Variants in DLGAP2 observed in about 807,000 individuals in gnomAD.
DLGAP2 encodes DLG associated protein 2.
DLGAP2 carries 26 observed loss-of-function variants against 100.3 expected under a neutral mutation model. That is an observed-to-expected ratio of 0.26 (90% CI 0.19 to 0.36). DLGAP2 has a LOEUF of 0.36. Among genes scored for constraint, DLGAP2 ranks in the 10% least tolerant of loss-of-function variants. DLGAP2 has a pLI of 1.00. For synonymous variants in DLGAP2, 886 were observed against 630.1 expected (o/e 1.41, Z -6.08); for missense variants, 1,858 against 1,453.2 (o/e 1.28, Z -4.53).
At chr8:1,087,551 CTCTT>C (rs1381846368) in intron 2 of DLGAP2, among the ~76,000 whole-genome samples, 1 of 103,924 alleles carries the variant, frequency 9.6e-6, no homozygotes, top group Non-Finnish European at 2.5e-5. Context: ...TTCTCTCTCT[CTCTT>C]TTTTTTTTTT....
intron 1 of DLGAP2, among the ~76,000 whole-genome samples, chr8:876,284 A>T (rs1272906769): frequency 6.6e-6 from 1 of 152,152 alleles, no homozygotes; most frequent in Non-Finnish European, 1.5e-5. Context: ...CAGCCTCAAG[A>T]ACTTTCTTTA....
chr8:920,342 C>G (rs927895356), intron 2 of DLGAP2, among the ~76,000 whole-genome samples: 1 of 152,236 alleles, frequency 6.6e-6, no homozygotes, highest in Non-Finnish European at 1.5e-5. Flanking sequence ...CCCCTGTTAT[C>G]AGGGAATAGC....
intron 2 of DLGAP2, among the ~76,000 whole-genome samples, chr8:1,000,109 C>A (rs894645015): frequency 2.4e-4 from 36 of 148,056 alleles, no homozygotes; most frequent in African/African-American, 6.8e-4. Flanking sequence ...TGGATTTTCT[C>A]TAGAGCAGAC....
chr8:1,105,139 A>T (rs1203550180), intron 2 of DLGAP2: 1 of 152,250 alleles, frequency 6.6e-6, no homozygotes, highest in Non-Finnish European at 1.5e-5. Context: ...ACAGGCTCAT[A>T]CTTTATCCTG....
chr8:1,091,218 C>T (rs1804169533), intron 2 of DLGAP2, among the ~76,000 whole-genome samples: 1 of 152,242 alleles, frequency 6.6e-6, no homozygotes, highest in Non-Finnish European at 1.5e-5. Flanking sequence ...GTACTGGAAG[C>T]ACCCGGTCAG....
intron 3 of DLGAP2, among the ~76,000 whole-genome samples, chr8:1,466,683 A>G (rs1798635174): frequency 6.6e-6 from 1 of 152,110 alleles, no homozygotes; most frequent in African/African-American, 2.4e-5. Flanking sequence ...GCTCAGTGGC[A>G]TTTCTCTGTT....
intron 13 of DLGAP2, among the ~76,000 whole-genome samples, chr8:1,696,079 A>T (rs539938198): frequency 1.1e-4 from 17 of 152,370 alleles, no homozygotes; most frequent in Non-Finnish European, 2.1e-4. Context: ...TTCACTGAGC[A>T]TGCTGAGTGT....
At chr8:874,452 C>A (rs1797653616) in intron 1 of DLGAP2, among the ~76,000 whole-genome samples, 1 of 152,068 alleles carries the variant, frequency 6.6e-6, no homozygotes, top group South Asian at 2.1e-4. Context: ...GGGATTTGTT[C>A]TTTGTCCCAT....
chr8:1,007,644 G>GT (rs1801159913), intron 2 of DLGAP2, among the ~76,000 whole-genome samples: 1 of 146,068 alleles, frequency 6.8e-6, no homozygotes, highest in Non-Finnish European at 1.5e-5. Context: ...TTGGGGGGGG[G>GT]ATCTTCTGTG....
intron 11 of DLGAP2, among the ~76,000 whole-genome samples, 187 bp downstream of exon 11, chr8:1,676,805 G>C (rs1337915209): frequency 6.6e-6 from 1 of 152,184 alleles, no homozygotes; most frequent in Non-Finnish European, 1.5e-5. Context: ...TCTTGTTTTT[G>C]CAAGAGGCAA....
At chr8:791,204 C>G (rs1309859628) in intron 1 of DLGAP2, among the ~76,000 whole-genome samples, 1 of 152,124 alleles carries the variant, frequency 6.6e-6, no homozygotes, top group Admixed American at 6.5e-5. Flanking sequence ...ATAATCAGCC[C>G]TAATCCTGCC....
intron 2 of DLGAP2, among the ~76,000 whole-genome samples, chr8:1,031,089 G>T (rs913285954): frequency 1.3e-5 from 2 of 152,326 alleles, no homozygotes; most frequent in Admixed American, 1.3e-4. Flanking sequence ...GCGTCTGCGG[G>T]AGAAGCTTCT....
intron 3 of DLGAP2, among the ~76,000 whole-genome samples, chr8:1,259,176 A>C (rs1188849536): frequency 6.6e-6 from 1 of 152,234 alleles, no homozygotes; most frequent in Non-Finnish European, 1.5e-5. Flanking sequence ...GTGAGGTAAC[A>C]GATGCTGATA....
At chr8:1,060,769 A>G (rs1415895353) in intron 2 of DLGAP2, among the ~76,000 whole-genome samples, 3 of 152,124 alleles carry the variant, frequency 2.0e-5, no homozygotes, top group Non-Finnish European at 4.4e-5. Flanking sequence ...CCTTTTCCTC[A>G]GAGAGGGGCC....
chr8:1,315,434 C>T (rs1317186852), intron 3 of DLGAP2, among the ~76,000 whole-genome samples: 18 of 139,100 alleles, frequency 1.3e-4, no homozygotes, highest in African/African-American at 2.6e-4. Context: ...AGAGCGTGTG[C>T]GAGTGCAGCG....
rs1422067197 is a variant in DLGAP2, at chr8:1,097,520, A to G, written c.74-161331A>G. Among the ~76,000 whole-genome samples the G allele has an allele frequency of 2.2e-5, 3 of 136,882 alleles. 1 individual carries two copies. Among genetic ancestry groups the G allele is most frequent in the African/African-American group, 8.5e-5 (3 of 35,274 alleles). The allele number at this position is 136,882 out of a possible 152,430, so 89.8% of individuals were successfully genotyped here. A position where few individuals can be genotyped will look rare whatever the true frequency, so the allele number is the denominator to read the frequency against. ...TCTGTGGCATGGAGAGGTCCCCTCC[A>G]GCGTGAGACCCACCTCCCTCTGCTC... is the stretch of plus-strand genomic sequence containing the variant. On this transcript the variant is annotated intron_variant, in intron 2 of 14. Coordinates refer to ENST00000637795, the MANE Select transcript of DLGAP2 (RefSeq NM_001346810.2).
intron 6 of DLGAP2, among the ~76,000 whole-genome samples, chr8:1,573,837 C>G (rs991194334): frequency 5.9e-5 from 9 of 152,168 alleles, no homozygotes; most frequent in African/African-American, 2.2e-4. Context: ...GCCGGCAGAC[C>G]CTAGAATACT....
intron 4 of DLGAP2, among the ~76,000 whole-genome samples, chr8:1,503,184 G>A (rs1799784571): frequency 6.6e-6 from 1 of 152,146 alleles, no homozygotes; most frequent in Admixed American, 6.5e-5. Context: ...AAGTTCAACA[G>A]CATTAAATGC....
intron 2 of DLGAP2, among the ~76,000 whole-genome samples, chr8:1,249,983 T>C (rs922431867): frequency 1.2e-4 from 18 of 152,148 alleles, no homozygotes; most frequent in African/African-American, 3.6e-4. Flanking sequence ...CAGGTTCAAG[T>C]GATTGTTCTG....
Sources: gnomAD v4.1 joint callset for allele counts (sites outside exome capture counted in the v4.1 genomes callset) on GRCh38, gnomAD v4.1.1 for gene constraint, MANE v1.5 for transcripts, NCBI Gene and HGNC (gene_info 2026-07-23, HGNC 2026-07-21) for gene names.